The following MTOR variants were observed in gnomAD, a reference collection of about 807,000 sequenced individuals.
MTOR encodes the protein mechanistic target of rapamycin kinase, also known as serine/threonine-protein kinase mTOR.
Under a neutral mutation model 319.8 loss-of-function variants are expected in MTOR, and 70 were observed. That is an observed-to-expected ratio of 0.22 (90% confidence interval 0.18 to 0.27). MTOR has a LOEUF of 0.27. Ranked by LOEUF, MTOR falls within the 10% of genes least tolerant of loss-of-function variation. The probability of loss-of-function intolerance (pLI) is 1.00; values close to 1 mark genes in which losing one functional copy is unlikely to be tolerated. For synonymous variants in MTOR, 1,183 were observed against 1,211.4 expected (o/e 0.98, Z 0.49); for missense variants, 1,890 against 3,274.4 (o/e 0.58, Z 10.32).
In MTOR at chr1:11,144,680, T is replaced by C. The variant is rs747540985; in HGVS notation, c.4840A>G (p.Ile1614Val). The C allele has an allele frequency of 1.2e-6, 2 of 1,614,086 alleles. No homozygotes were observed. The highest frequency in any genetic ancestry group is 2.2e-5 in the South Asian group (2 of 91,072). ...CTCTCCCACCAGATCTGGCGGATGA[T>C]CTCTCGTCGCTCGGGGACAAGTTTG... ...QYKLVPERRE[I>V]IRQIWWERLQ... is the part of the protein sequence containing the mutation. Residue 1614 changes from isoleucine (I) to valine (V), a missense_variant, in exon 34 of 58, where the codon ATC (isoleucine) becomes GTC (valine). Ile to Val is a conservative substitution (Grantham distance 29). This residue lies in a region of MTOR where 276 missense variants were observed against 459.4 expected (regional missense o/e 0.60). Coordinates refer to ENST00000361445, the MANE Select transcript of MTOR (RefSeq NM_004958.4).
chr1:11,115,567 A>G lies in MTOR; in HGVS notation c.7017-99T>C, dbSNP rs1364805517. ...ACTGTAAGCTAGGAGTTGGCAAACG[A>G]TAGCCCTCAGCCAATCCAGCCCCTC... On this transcript the variant is annotated intron_variant, in intron 50 of 57. Transcript: ENST00000361445. The surrounding 1 kb of genome is among the most constrained non-coding windows in gnomAD (Gnocchi z 4.5). 2.6e-6 allele frequency: 3 copies of G among 1,166,240 alleles called. No homozygotes were observed. The highest frequency in any genetic ancestry group is 3.8e-6 in the Non-Finnish European group (3 of 781,828). The allele number at this position is 1,166,240 out of a possible 1,614,324, so 72.2% of individuals were successfully genotyped here.
chr1:11,206,473 T>C (rs1474097468), intron 25 of MTOR, among the ~76,000 whole-genome samples: 3 of 152,090 alleles, frequency 2.0e-5, no homozygotes, highest in Non-Finnish European at 4.4e-5. Flanking sequence ...ATCTGTAAAG[T>C]GGGACAGCAA....
At chr1:11,169,800 G>C (rs1489639114) in intron 28 of MTOR, among the ~76,000 whole-genome samples, 1 of 152,164 alleles carries the variant, frequency 6.6e-6, no homozygotes, top group East Asian at 1.9e-4. Context: ...TCCTCCTTCA[G>C]AGGGTTCTTC....
At chr1:11,229,961 G>T (rs138035346) in intron 18 of MTOR, among the ~76,000 whole-genome samples, 1 of 151,958 alleles carries the variant, frequency 6.6e-6, no homozygotes, top group East Asian at 1.9e-4. Flanking sequence ...GTGAGACCCT[G>T]TCTCCAAAAA....
intron 28 of MTOR, among the ~76,000 whole-genome samples, chr1:11,183,844 A>G (rs1343749715): frequency 6.6e-6 from 1 of 152,210 alleles, no homozygotes; most frequent in Non-Finnish European, 1.5e-5. Flanking sequence ...CTTCCCCCAT[A>G]AGGCTACTGA....
At chr1:11,178,169 C>A (rs781592237) in intron 28 of MTOR, among the ~76,000 whole-genome samples, 2 of 152,172 alleles carry the variant, frequency 1.3e-5, no homozygotes, top group Non-Finnish European at 2.9e-5. Flanking sequence ...AGTGAACTGT[C>A]CTGCAGAAGT....
intron 28 of MTOR, among the ~76,000 whole-genome samples, chr1:11,191,751 A>G (rs1645541030): frequency 6.6e-6 from 1 of 152,194 alleles, no homozygotes; most frequent in Non-Finnish European, 1.5e-5. Context: ...AGGGGAAAAT[A>G]TGTGATAATA....
chr1:11,167,445 C>T lies in MTOR; in HGVS notation c.4326G>A (p.Glu1442=). 1 of 1,613,290 alleles carries T rather than the reference C, an allele frequency of 6.2e-7. No individual in the cohort carries two copies. Among genetic ancestry groups the T allele is most frequent in the Non-Finnish European group, 8.5e-7 (1 of 1,179,454 alleles). The change falls in exon 29 of 58, where the codon GAG becomes GAA. Residue 1442 remains glutamate (E), a synonymous_variant. Transcript: ENST00000361445. ...VLEYAMKHFG[E]LEIQATWYEK... ...CCAAAAAGAATGAGGTGCTTACCAG[C>T]TCTCCAAAGTGTTTCATGGCATATT...
intron 29 of MTOR, among the ~76,000 whole-genome samples, chr1:11,164,649 C>G (rs1460810352): frequency 6.6e-6 from 1 of 152,152 alleles, no homozygotes; most frequent in African/African-American, 2.4e-5. Flanking sequence ...GGTTCACAGC[C>G]GAATTCTACC....
chr1:11,153,938 G>A (rs540545320), intron 30 of MTOR, among the ~76,000 whole-genome samples: 1 of 151,432 alleles, frequency 6.6e-6, no homozygotes, highest in African/African-American at 2.4e-5. Context: ...GAGTGGTGGT[G>A]CATGCCTGTA....
intron 25 of MTOR, among the ~76,000 whole-genome samples, chr1:11,206,782 C>T (rs1019092272): frequency 3.9e-5 from 6 of 152,292 alleles, no homozygotes; most frequent in African/African-American, 1.4e-4. Context: ...CTGATCGCCT[C>T]ATCTGGTGAT....
At chr1:11,139,046 C>T (rs1643564580) in intron 36 of MTOR, 4 of 426,244 alleles carry the variant, frequency 9.4e-6, no homozygotes, top group East Asian at 4.0e-5. Flanking sequence ...TTTCTATGTC[C>T]CAGCACTTTC....
intron 28 of MTOR, among the ~76,000 whole-genome samples, chr1:11,185,854 G>A (rs1487136472): frequency 6.6e-6 from 1 of 152,012 alleles, no homozygotes; most frequent in African/African-American, 2.4e-5. Context: ...GGCCGAGGCG[G>A]GTGGATCAAC....
At chr1:11,190,890 T>G (rs1645503146) in intron 28 of MTOR, among the ~76,000 whole-genome samples, 1 of 152,212 alleles carries the variant, frequency 6.6e-6, no homozygotes. Context: ...ATGGTTAACC[T>G]CAGCTCAAAT....
chr1:11,245,923 A>G (rs767941441), intron 8 of MTOR, among the ~76,000 whole-genome samples: 4 of 152,154 alleles, frequency 2.6e-5, no homozygotes, highest in Non-Finnish European at 4.4e-5. Flanking sequence ...AAAAACCCCA[A>G]GAGAGTATAA....
At position 11,108,258 on chromosome 1, in the gene MTOR, C is replaced by T. The variant is rs1264850970; in HGVS notation, c.7557G>A (p.Leu2519=). 1 of 1,613,784 alleles carries T rather than the reference C, an allele frequency of 6.2e-7. No individual in the cohort carries two copies. The highest frequency in any genetic ancestry group is 2.2e-5 in the East Asian group (1 of 44,886). ...GCAGCTCAACTTGCGTTGGAACATC[C>T]AAAGTGTCATCATGAGAGAAGTCCC... The part of the protein sequence containing the change: ...TGRDFSHDDT[L]DVPTQVELLI... Residue 2519 remains leucine, a synonymous_variant, in exon 57 of 58, where the codon TTG becomes TTA. Transcript: ENST00000361445.
rs562477804 is a variant in MTOR, at chr1:11,227,089, G to A, written c.3030+1579C>T. 1.1e-4 allele frequency among the ~76,000 whole-genome samples: 16 copies of A among 151,618 alleles called. No homozygotes were observed. The East Asian group carries it at 3.1e-3, about 29-fold the overall frequency. On this transcript the variant is annotated intron_variant, in intron 19 of 57. Coordinates refer to ENST00000361445, the MANE Select transcript of MTOR (RefSeq NM_004958.4). ...GAGGCAGTTGGATCACCTGAGGTTAGGAGCTCAAGACCAGCCTGGCAAACA... is the reference window on the plus strand; with the variant it reads ...GAGGCAGTTGGATCACCTGAGGTTAAGAGCTCAAGACCAGCCTGGCAAACA...
intron 18 of MTOR, among the ~76,000 whole-genome samples, chr1:11,230,459 G>A (rs1268649677): frequency 1.3e-5 from 2 of 152,202 alleles, no homozygotes; most frequent in Middle Eastern, 3.4e-3. Flanking sequence ...ACCATTTCAC[G>A]GAAAAAAGAG....
At chr1:11,142,687 C>A (rs532293864) in intron 34 of MTOR, among the ~76,000 whole-genome samples, 13 of 152,204 alleles carry the variant, frequency 8.5e-5, no homozygotes, top group African/African-American at 2.9e-4. Flanking sequence ...ATTCCATGAA[C>A]CCATGGAGCT....
Sources: allele counts gnomAD v4.1 joint callset (sites outside exome capture counted in the v4.1 genomes callset), GRCh38; gene constraint gnomAD v4.1.1; regional missense constraint gnomAD v4.1.1; non-coding constraint Gnocchi (gnomAD v3.1); transcripts MANE v1.5; gene names NCBI Gene and HGNC (gene_info 2026-07-23, HGNC 2026-07-21).